The following BIRC6 variants were observed in gnomAD, a reference collection of about 807,000 sequenced individuals.
BIRC6 encodes the protein baculoviral IAP repeat containing 6.
In BIRC6, 98 loss-of-function variants were observed where a neutral mutation model predicts 503.3. The observed-to-expected ratio is 0.19, with a 90% confidence interval of 0.17 to 0.23. The LOEUF (loss-of-function observed/expected upper bound fraction) is 0.23. Among genes scored for constraint, BIRC6 ranks in the 10% least tolerant of loss-of-function variants. The pLI is 1.00. For synonymous variants in BIRC6, 2,240 were observed against 2,078.7 expected (o/e 1.08, Z -2.11); for missense variants, 5,360 against 5,806.0 (o/e 0.92, Z 2.50).
At chr2:32,580,576 T>TA (rs1432460867) in intron 66 of BIRC6, among the ~76,000 whole-genome samples, 1 of 152,190 alleles carries the variant, frequency 6.6e-6, no homozygotes, top group African/African-American at 2.4e-5. Context: ...CAGAGTTACT[T>TA]ACCTTAAAAG....
chr2:32,615,111 A>T (rs2063149443), intron 73 of BIRC6, among the ~76,000 whole-genome samples: 1 of 152,182 alleles, frequency 6.6e-6, no homozygotes, highest in East Asian at 1.9e-4. Flanking sequence ...GCCACACTTT[A>T]CAACAACCCG....
At chr2:32,450,354 C>T (rs748121007) in intron 22 of BIRC6, among the ~76,000 whole-genome samples, 4 of 152,000 alleles carry the variant, frequency 2.6e-5, no homozygotes, top group Non-Finnish European at 5.9e-5. Context: ...TGATGGGCAC[C>T]TGTAGGCTGA....
intron 1 of BIRC6, among the ~76,000 whole-genome samples, chr2:32,361,527 T>A (rs1418504991): frequency 6.6e-6 from 1 of 152,152 alleles, no homozygotes; most frequent in Non-Finnish European, 1.5e-5. Context: ...ACAATCATCA[T>A]CTCCCAAAGT....
chr2:32,484,609 A>C (rs1445997626), intron 39 of BIRC6, among the ~76,000 whole-genome samples: 1 of 151,768 alleles, frequency 6.6e-6, no homozygotes, highest in Non-Finnish European at 1.5e-5. Flanking sequence ...TTATTCGTTC[A>C]GTTTTGAACG....
intron 36 of BIRC6, among the ~76,000 whole-genome samples, chr2:32,479,202 G>A (rs1038049031): frequency 1.3e-5 from 2 of 152,158 alleles, no homozygotes; most frequent in African/African-American, 4.8e-5. Context: ...TTATGAATAA[G>A]CGTGTTAATG....
At chr2:32,399,982 A>G (rs1157807573) in intron 6 of BIRC6, among the ~76,000 whole-genome samples, 3 of 151,826 alleles carry the variant, frequency 2.0e-5, no homozygotes, top group South Asian at 2.1e-4. Context: ...TTTTGTAGCA[A>G]TGAGGTCTCA....
Position 32,401,445 on chromosome 2 carries a change from G to C in BIRC6, c.1258-18G>C, listed in dbSNP as rs2040586865. 3 of 1,612,920 alleles carry C rather than the reference G, an allele frequency of 1.9e-6. No individual in the cohort carries two copies. Among genetic ancestry groups the C allele is most frequent in the Non-Finnish European group, 2.5e-6 (3 of 1,179,446 alleles). ...TGAAAAAAGATCAGTTGTAAACTTA[G>C]GCTTTTCATTTGTTTAGGTGCACTT... On this transcript the variant is annotated intron_variant, in intron 7 of 73. Transcript: ENST00000421745.
At chr2:32,474,594 T>C (rs2049515295) in intron 33 of BIRC6, among the ~76,000 whole-genome samples, 3 of 152,200 alleles carry the variant, frequency 2.0e-5, no homozygotes, top group African/African-American at 4.8e-5. Context: ...TTTTTATTTC[T>C]AGGAATTATA....
At chr2:32,567,283 T>C (rs566711806) in intron 65 of BIRC6, among the ~76,000 whole-genome samples, 9 of 152,360 alleles carry the variant, frequency 5.9e-5, no homozygotes, top group Non-Finnish European at 1.0e-4. Context: ...CCACTTCTTA[T>C]GCTTTTTTAA....
intron 65 of BIRC6, among the ~76,000 whole-genome samples, chr2:32,572,104 G>A (rs1463445276): frequency 1.3e-5 from 2 of 152,048 alleles, no homozygotes; most frequent in African/African-American, 2.4e-5. Context: ...ATATGATTTC[G>A]ATTTTCAAAA....
chr2:32,604,916 G>T, intron 71 of BIRC6, among the ~76,000 whole-genome samples: 1 of 143,292 alleles, frequency 7.0e-6, no homozygotes. Flanking sequence ...TTTTGAGACA[G>T]GGTCTCACTC....
chr2:32,417,525 G>A (rs2042505175), intron 10 of BIRC6, among the ~76,000 whole-genome samples: 1 of 152,144 alleles, frequency 6.6e-6, no homozygotes, highest in African/African-American at 2.4e-5. Flanking sequence ...CAGGCAAAAT[G>A]AATAGTTCTA....
intron 3 of BIRC6, among the ~76,000 whole-genome samples, chr2:32,384,238 C>T (rs2038115283): frequency 6.6e-6 from 1 of 152,202 alleles, no homozygotes; most frequent in Non-Finnish European, 1.5e-5. Context: ...GCATATGCTT[C>T]ATCTTGTAAG....
chr2:32,363,796 C>T (rs1016861654), intron 1 of BIRC6, among the ~76,000 whole-genome samples: 9 of 152,228 alleles, frequency 5.9e-5, no homozygotes, highest in Admixed American at 2.6e-4. Flanking sequence ...GTTAAAAGTG[C>T]CTAACAGTGC....
At chr2:32,564,830 T>G (rs2059423473) in intron 65 of BIRC6, 1 of 152,234 alleles carries the variant, frequency 6.6e-6, no homozygotes, top group African/African-American at 2.4e-5. Context: ...AGCTCTGTAC[T>G]AAGGCATAGC....
intron 65 of BIRC6, among the ~76,000 whole-genome samples, chr2:32,562,059 T>C (rs79505936): frequency 0.041 from 6,198 of 152,092 alleles, 176 homozygotes; most frequent in Non-Finnish European, 0.065. Context: ...AATAAAATTA[T>C]TATTATTTCT....
chr2:32,590,999 C>T, intron 66 of BIRC6: 1 of 985,416 alleles, frequency 1.0e-6, no homozygotes, highest in Non-Finnish European at 1.2e-6. Context: ...TTTTCATGAG[C>T]TGGGCCTACA....
rs2050513478 is a variant in BIRC6, at chr2:32,482,432, A to G, written c.7546A>G (p.Ile2516Val). 1.2e-6 allele frequency: 2 copies of G among 1,611,980 alleles called. No individual in the cohort carries two copies. The highest frequency in any genetic ancestry group is 1.1e-5 in the South Asian group (1 of 90,598). ...GTTTTTTTTCCATTCTTTTAAGCCA[A>G]TAAGCAGTACATGGTATGATTATTG... ...DPLAAKVFKP[I>V]SSTWYDYWGA... Residue 2516 changes from isoleucine to valine, a missense_variant, in exon 39 of 74, where the codon ATA becomes GTA. This residue lies in a region of BIRC6 where 2,299 missense variants were observed against 2,267.2 expected (regional missense o/e 1.01). Coordinates refer to ENST00000421745, the MANE Select transcript of BIRC6 (RefSeq NM_016252.4).
At chr2:32,568,616 G>A (rs866517922) in intron 65 of BIRC6, among the ~76,000 whole-genome samples, 7 of 151,994 alleles carry the variant, frequency 4.6e-5, no homozygotes, top group African/African-American at 7.2e-5. Flanking sequence ...AGTTCGAGGC[G>A]GGCAGTCACT....
Sources: gnomAD v4.1 joint callset for allele counts (sites outside exome capture counted in the v4.1 genomes callset) on GRCh38, gnomAD v4.1.1 for gene constraint, gnomAD v4.1.1 regional missense constraint, MANE v1.5 for transcripts, NCBI Gene and HGNC (gene_info 2026-07-23, HGNC 2026-07-21) for gene names.